Variants in NPSR1 observed in about 807,000 individuals in gnomAD.
NPSR1 encodes neuropeptide S receptor 1, also known as neuropeptide S receptor.
NPSR1 carries 48 observed loss-of-function variants against 46.9 expected under a neutral mutation model. That is an observed-to-expected ratio of 1.02 (90% CI 0.81 to 1.30). The LOEUF is 1.30. Among genes scored for constraint, NPSR1 ranks in the 50% most tolerant of loss-of-function variants. The pLI, the probability that NPSR1 is intolerant of heterozygous loss-of-function variation, is 0.00. For missense variants in NPSR1, 450 were observed against 449.5 expected (o/e 1.00, Z -0.01); for synonymous variants, 176 against 168.1 (o/e 1.05, Z -0.36).
chr7:34,750,640 A>G, intron 2 of NPSR1: 1 of 688,188 alleles, frequency 1.5e-6, no homozygotes, highest in Non-Finnish European at 2.7e-6. Flanking sequence ...GCTTGGCCCC[A>G]TGTTGTAGCT....
At chr7:34,842,019 A>T (rs1790582533) in intron 6 of NPSR1, among the ~76,000 whole-genome samples, 1 of 152,234 alleles carries the variant, frequency 6.6e-6, no homozygotes, top group South Asian at 2.1e-4. Context: ...AAACGTAATA[A>T]TACCTTCTGT....
At chr7:34,740,236 C>T (rs780188264) in intron 2 of NPSR1, among the ~76,000 whole-genome samples, 15 of 151,896 alleles carry the variant, frequency 9.9e-5, no homozygotes, top group East Asian at 3.9e-4. Flanking sequence ...CCCAAAAGGC[C>T]GGTCTCACTC....
At chr7:34,845,092 G>A (rs1360018334) in intron 7 of NPSR1, 110 bp downstream of exon 7, 11 of 755,820 alleles carry the variant, frequency 1.5e-5, no homozygotes, top group East Asian at 1.3e-4. Context: ...CTTCTACATC[G>A]GTCTGCTTAG....
chr7:34,736,068 T>G (rs1397222827), intron 2 of NPSR1, among the ~76,000 whole-genome samples: 1 of 152,166 alleles, frequency 6.6e-6, no homozygotes, highest in Non-Finnish European at 1.5e-5. Context: ...ACATATAAGA[T>G]TGTCATCTCC....
exon 9 of NPSR1, chr7:34,878,207 G>A: frequency 2.9e-6 from 4 of 1,402,914 alleles, no homozygotes; most frequent in Non-Finnish European, 4.0e-6. Flanking sequence ...TGTGCTGCAG[G>A]TGGCCCTGTG....
At chr7:34,725,495 T>C (rs560722391) in intron 2 of NPSR1, among the ~76,000 whole-genome samples, 98 of 152,256 alleles carry the variant, frequency 6.4e-4, no homozygotes, top group Admixed American at 1.6e-3. Flanking sequence ...GCACACCTCA[T>C]AGACAGTTGA....
chr7:34,858,866 G>C (rs191878788), intron 8 of NPSR1, among the ~76,000 whole-genome samples: 5 of 151,748 alleles, frequency 3.3e-5, no homozygotes, highest in East Asian at 1.9e-4. Context: ...GAGATCTGGG[G>C]GGGGGACACA....
At chr7:34,872,664 ATT>A (rs1562781452) in intron 8 of NPSR1, among the ~76,000 whole-genome samples, 1 of 151,724 alleles carries the variant, frequency 6.6e-6, no homozygotes, top group East Asian at 1.9e-4. Flanking sequence ...GGAGAAGCAA[ATT>A]ATGTCTTACA....
At chr7:34,712,407 A>T (rs1399922815) in intron 2 of NPSR1, among the ~76,000 whole-genome samples, 2 of 152,214 alleles carry the variant, frequency 1.3e-5, no homozygotes, top group African/African-American at 4.8e-5. Flanking sequence ...TCAAAATTCA[A>T]ATTAATTTAA....
At chr7:34,668,537 C>CATCA (rs1249521713) in intron 1 of NPSR1, among the ~76,000 whole-genome samples, 1 of 152,128 alleles carries the variant, frequency 6.6e-6, no homozygotes, top group Non-Finnish European at 1.5e-5. Context: ...TCATTTCATT[C>CATCA]ATCAATCAGG....
intron 2 of NPSR1, among the ~76,000 whole-genome samples, chr7:34,767,325 C>T (rs1443895710): frequency 1.3e-5 from 2 of 152,048 alleles, no homozygotes; most frequent in East Asian, 1.9e-4. Context: ...AAACATTCTC[C>T]CTACTAAATA....
At chr7:34,748,179 T>C (rs1325659115) in intron 2 of NPSR1, among the ~76,000 whole-genome samples, 4 of 152,212 alleles carry the variant, frequency 2.6e-5, no homozygotes, top group Non-Finnish European at 5.9e-5. Context: ...CCAGAAAATA[T>C]AAAACCATCA....
chr7:34,849,255 T>G, intron 8 of NPSR1: 1 of 1,012,406 alleles, frequency 9.9e-7, no homozygotes, highest in Non-Finnish European at 1.5e-6. Context: ...TGTTTATTCG[T>G]AGCGATGTGT....
At chr7:34,741,418 C>T (rs976246105) in intron 2 of NPSR1, among the ~76,000 whole-genome samples, 5 of 151,944 alleles carry the variant, frequency 3.3e-5, no homozygotes, top group Non-Finnish European at 7.4e-5. Context: ...ATTGTTATTC[C>T]CCCATATATC....
chr7:34,875,346 A>C lies in NPSR1; in HGVS notation c.1026-2730A>C, dbSNP rs529263921. On this transcript the variant is annotated intron_variant, in intron 8 of 8. Coordinates refer to the NPSR1 transcript ENST00000359791. ...GGCTGAATCTAAACTTGCATTTTAA[A>C]AAGATCCCCAGATGATTCCCACACA... is the stretch of plus-strand genomic sequence containing the variant. Among the ~76,000 whole-genome samples the C allele has an allele frequency of 1.2e-4, 18 of 152,338 alleles. No individual in the cohort carries two copies. The South Asian group carries it at 3.7e-3, about 32-fold the overall frequency.
intron 2 of NPSR1, among the ~76,000 whole-genome samples, chr7:34,705,156 G>A (rs901202316): frequency 6.6e-6 from 1 of 152,038 alleles, no homozygotes; most frequent in Non-Finnish European, 1.5e-5. Context: ...GTTGGACGTG[G>A]TGGCTCATGC....
intron 2 of NPSR1, among the ~76,000 whole-genome samples, chr7:34,722,175 T>C (rs532265140): frequency 6.6e-6 from 1 of 152,268 alleles, no homozygotes; most frequent in South Asian, 2.1e-4. Flanking sequence ...TAATTTGCAA[T>C]ATTCATTACA....
chr7:34,848,748 C>A, intron 8 of NPSR1, 85 bp downstream of exon 8: 1 of 1,224,752 alleles, frequency 8.2e-7, no homozygotes, highest in Non-Finnish European at 1.2e-6. Context: ...CATGTCCAAA[C>A]TCTCCAGCAG....
At chr7:34,801,474 A>T (rs1365643909) in intron 3 of NPSR1, among the ~76,000 whole-genome samples, 1 of 100,600 alleles carries the variant, frequency 9.9e-6, no homozygotes, top group East Asian at 2.8e-4. Context: ...AAACCACATG[A>T]TTATCTCAAT....
Sources: allele counts gnomAD v4.1 joint callset (sites outside exome capture counted in the v4.1 genomes callset), GRCh38; gene constraint gnomAD v4.1.1; transcripts MANE v1.5; gene names NCBI Gene and HGNC (gene_info 2026-07-23, HGNC 2026-07-21).